Variants in RMDN1 observed in about 807,000 individuals in gnomAD.
The protein encoded by RMDN1 is regulator of microtubule dynamics 1, also known as regulator of microtubule dynamics protein 1.
In RMDN1, 48 loss-of-function variants were observed where a neutral mutation model predicts 48.9. That is an observed-to-expected ratio of 0.98 (90% confidence interval 0.78 to 1.25). The LOEUF (loss-of-function observed/expected upper bound fraction) is 1.25. Ranked by LOEUF, RMDN1 falls within the 50% of genes most tolerant of loss-of-function variation. The pLI is 0.00. For synonymous variants in RMDN1, 148 were observed against 132.6 expected (o/e 1.12, Z -0.80); for missense variants, 418 against 373.4 (o/e 1.12, Z -0.98).
rs879857641 is a variant in RMDN1, at chr8:86,487,670, TA to T, written c.335+881del. Among the ~76,000 whole-genome samples, 256 of 151,538 alleles carry T rather than the reference TA, an allele frequency of 1.7e-3. 2 individuals carry two copies. The highest frequency in any genetic ancestry group is 0.01 in the Middle Eastern group (3 of 294). The stretch of plus-strand genomic sequence containing the variant: ...TAATCCTAACTTTATTTTTTTAACA[TA>T]AAAAAAAATTTGAAGCTAAAGCTTC... On this transcript the variant is annotated intron_variant, in intron 3 of 9. Coordinates refer to ENST00000406452, the MANE Select transcript of RMDN1 (RefSeq NM_016033.3).
intron 2 of RMDN1, among the ~76,000 whole-genome samples, chr8:86,501,680 A>C (rs898586241): frequency 0.03 from 13 of 440 alleles, no homozygotes; most frequent in African/African-American, 0.086. Context: ...AAAAAAAAAT[A>C]AGTTCTAATC....
intron 2 of RMDN1, chr8:86,504,099 G>C (rs2131282864): frequency 1.9e-6 from 2 of 1,049,952 alleles, no homozygotes; most frequent in East Asian, 2.4e-5. Context: ...TCTTTGGTCT[G>C]GAATTCAAAT....
intron 2 of RMDN1, among the ~76,000 whole-genome samples, chr8:86,490,980 A>G (rs1313233331): frequency 1.3e-5 from 2 of 152,020 alleles, no homozygotes; most frequent in Non-Finnish European, 2.9e-5. Context: ...CAAGATGGCA[A>G]GACACCATAT....
At chr8:86,477,577 C>T (rs1339547200) in intron 7 of RMDN1, 10 of 349,004 alleles carry the variant, frequency 2.9e-5, no homozygotes, top group African/African-American at 1.9e-4. Context: ...ACCAAACTAA[C>T]ATCATGTGCA....
intron 5 of RMDN1, among the ~76,000 whole-genome samples, chr8:86,481,593 A>G (rs1378066578): frequency 1.4e-5 from 2 of 147,844 alleles, no homozygotes; most frequent in Non-Finnish European, 3.0e-5. Flanking sequence ...CCTTTGCCAA[A>G]ATAAGGTTTT....
chr8:86,508,485 G>C lies in RMDN1; in HGVS notation c.129+7C>G, dbSNP rs779489684. 6.5e-7 allele frequency: 1 copy of C among 1,544,558 alleles called. No individual in the cohort carries two copies. ...GTGAGGAGCGGGAGCCAGGACCACG[G>C]GGGTACCTCGAAGCCGCGGAATCGA... On this transcript the variant is annotated splice_region_variant and intron_variant, in intron 1 of 9. Transcript: ENST00000406452.
downstream of RMDN1, chr8:86,470,543 C>T (rs1197373072): frequency 1.7e-6 from 1 of 579,516 alleles, no homozygotes; most frequent in Non-Finnish European, 2.6e-6. Context: ...GAGCCACACT[C>T]CTGGGCATGT....
chr8:86,495,952 T>C (rs1817270671), intron 2 of RMDN1, among the ~76,000 whole-genome samples: 1 of 152,194 alleles, frequency 6.6e-6, no homozygotes, highest in African/African-American at 2.4e-5. Flanking sequence ...ACAGTGGACT[T>C]TTTAGCAGAA....
At chr8:86,477,381 A>G in intron 7 of RMDN1, 57 bp from the exon 8 acceptor site, 1 of 1,368,998 alleles carries the variant, frequency 7.3e-7, no homozygotes, top group Non-Finnish European at 1.0e-6. Flanking sequence ...AGACAATATT[A>G]AAAAAGCATT....
At chr8:86,469,115 G>A (rs1812332826), downstream of RMDN1, among the ~76,000 whole-genome samples, 1 of 149,868 alleles carries the variant, frequency 6.7e-6, no homozygotes. Flanking sequence ...AATTCTATCT[G>A]TTAGATCAGT....
At chr8:86,499,509 GT>G (rs1817876529) in intron 2 of RMDN1, among the ~76,000 whole-genome samples, 1 of 151,604 alleles carries the variant, frequency 6.6e-6, no homozygotes, top group Non-Finnish European at 1.5e-5. Flanking sequence ...ACAGTTAGAT[GT>G]TTTACCACAA....
chr8:86,508,973 CG>C (rs754170830), upstream of RMDN1, among the ~76,000 whole-genome samples: 5 of 152,000 alleles, frequency 3.3e-5, no homozygotes, highest in Non-Finnish European at 7.4e-5. Flanking sequence ...ACTGAAAGCT[CG>C]GAAATAGACC....
chr8:86,497,214 C>T (rs1817515147), intron 2 of RMDN1, among the ~76,000 whole-genome samples: 1 of 152,124 alleles, frequency 6.6e-6, no homozygotes, highest in South Asian at 2.1e-4. Flanking sequence ...GACAACCTAA[C>T]ATAATATCTA....
At chr8:86,499,650 CA>C (rs1379116154) in intron 2 of RMDN1, among the ~76,000 whole-genome samples, 1 of 151,272 alleles carries the variant, frequency 6.6e-6, no homozygotes, top group Non-Finnish European at 1.5e-5. Context: ...TTATTCCTGT[CA>C]AACTACCAAT....
In RMDN1 at chr8:86,504,184, G is replaced by A; in HGVS notation, c.247+2811C>T. On this transcript the variant is annotated intron_variant, in intron 2 of 9. Coordinates refer to ENST00000406452, the MANE Select transcript of RMDN1 (RefSeq NM_016033.3). ...CCTTCCTGCTATCCTACAAAGTGCA[G>A]CCCTTCCATTTTGCCCTGAAAGTCC... is the stretch of plus-strand genomic sequence containing the variant. 5 of 1,506,986 alleles carry A rather than the reference G, an allele frequency of 3.3e-6. No homozygotes were observed. In the South Asian group the frequency reaches 4.5e-5, roughly 14 times the overall value. The allele number at this position is 1,506,986 out of a possible 1,614,324, so 93.4% of individuals were successfully genotyped here. A position where few individuals can be genotyped will look rare whatever the true frequency, so the allele number is the denominator to read the frequency against.
chr8:86,474,622 G>A (rs554074243), intron 9 of RMDN1, 198 bp downstream of exon 9: 20 of 732,378 alleles, frequency 2.7e-5, no homozygotes, highest in South Asian at 8.9e-5. Context: ...CAGGCAACCC[G>A]TAACATCCAC....
At position 86,473,909 on chromosome 8, in the gene RMDN1, C is replaced by A; in HGVS notation, c.*399G>T. 1.0e-6 allele frequency: 1 copy of A among 1,002,718 alleles called. No individual in the cohort carries two copies. 62.1% of individuals were successfully genotyped at this position (1,002,718 alleles called of 1,614,324 possible). On this transcript the variant is annotated 3_prime_UTR_variant, in exon 10 of 10. Transcript: ENST00000406452. ...CCTAACCACTGTCACCACACCTTCT[C>A]TTCAAGATTTCAACTTAGAATCAAT...
At chr8:86,470,313 G>A, downstream of RMDN1, 2 of 1,289,304 alleles carry the variant, frequency 1.6e-6, no homozygotes, top group Non-Finnish European at 2.0e-6. Context: ...GCACGGGAAG[G>A]AGAATGTAAG....
At chr8:86,494,826 T>G in intron 2 of RMDN1, 1 of 304,952 alleles carries the variant, frequency 3.3e-6, no homozygotes, top group Non-Finnish European at 6.5e-6. Flanking sequence ...ATACAAAAAT[T>G]ACCTGGGCAT....
Sources: gnomAD v4.1 joint callset for allele counts (sites outside exome capture counted in the v4.1 genomes callset) on GRCh38, gnomAD v4.1.1 for gene constraint, MANE v1.5 for transcripts, NCBI Gene and HGNC (gene_info 2026-07-23, HGNC 2026-07-21) for gene names.